Variants in DCDC1 observed in about 807,000 individuals in gnomAD.
DCDC1 encodes the protein doublecortin domain-containing protein 1.
DCDC1 carries 200 observed loss-of-function variants against 178.3 expected under a neutral mutation model. The ratio of observed to expected loss-of-function variants is 1.12; its 90% CI spans 1.00 to 1.26. DCDC1 has a LOEUF of 1.26. Ranked by LOEUF, DCDC1 falls within the 50% of genes most tolerant of loss-of-function variation. DCDC1 has a pLI of 0.00. For missense variants in DCDC1, 1,983 were observed against 1,749.2 expected, an observed-to-expected ratio of 1.13 and a Z score of -2.38; for synonymous variants, 690 against 604.8, an observed-to-expected ratio of 1.14 and a Z score of -2.07.
At chr11:31,193,196 T>C (rs897671431) in intron 9 of DCDC1, among the ~76,000 whole-genome samples, 1 of 152,076 alleles carries the variant, frequency 6.6e-6, no homozygotes, top group Non-Finnish European at 1.5e-5. Context: ...TTTTCCTCCA[T>C]ATTAACAGAA....
At chr11:31,165,195 A>C (rs1301368262) in intron 9 of DCDC1, among the ~76,000 whole-genome samples, 2 of 152,216 alleles carry the variant, frequency 1.3e-5, no homozygotes, top group African/African-American at 4.8e-5. Context: ...CATTGATGAC[A>C]CAGGATATTA....
At chr11:31,271,616 T>C (rs1020731048) in intron 7 of DCDC1, among the ~76,000 whole-genome samples, 1 of 152,238 alleles carries the variant, frequency 6.6e-6, no homozygotes, top group Non-Finnish European at 1.5e-5. Context: ...TACTACTCTA[T>C]TGACAAATTC....
At chr11:31,169,763 G>T (rs1434014325) in intron 9 of DCDC1, among the ~76,000 whole-genome samples, 3 of 152,218 alleles carry the variant, frequency 2.0e-5, no homozygotes, top group Non-Finnish European at 4.4e-5. Context: ...AAGGCAGAAA[G>T]TAGTACTTGT....
intron 14 of DCDC1, among the ~76,000 whole-genome samples, chr11:31,103,406 C>T (rs976821256): frequency 2.6e-5 from 4 of 152,102 alleles, no homozygotes; most frequent in Non-Finnish European, 4.4e-5. Flanking sequence ...TTCTGCAAAG[C>T]AGAAACTATA....
intron 11 of DCDC1, among the ~76,000 whole-genome samples, chr11:31,117,670 G>A (rs984783267): frequency 1.3e-5 from 2 of 149,890 alleles, no homozygotes; most frequent in Non-Finnish European, 3.0e-5. Context: ...CCATTTTGCT[G>A]TGACTATTGA....
intron 21 of DCDC1, among the ~76,000 whole-genome samples, chr11:30,936,554 G>A (rs894900851): frequency 6.6e-6 from 1 of 152,138 alleles, no homozygotes; most frequent in Non-Finnish European, 1.5e-5. Flanking sequence ...TTCTAACAAA[G>A]GGCAGCCTGA....
chr11:30,880,319 C>T (rs1157212809), intron 37 of DCDC1, among the ~76,000 whole-genome samples: 2 of 152,152 alleles, frequency 1.3e-5, no homozygotes, highest in African/African-American at 2.4e-5. Context: ...CAGTGCTAGG[C>T]ATCCTAATAA....
rs185654170 is a variant in DCDC1, at chr11:31,010,110, C to T, written c.2591+54359G>A. On this transcript the variant is annotated intron_variant, in intron 20 of 38. Transcript: ENST00000684477. Reference sequence around the variant, plus strand: ...TATCATGACGGCACTCTGCTTCACTCAGTCCACTGATTCAAATGCTAATCT... The same window carrying T: ...TATCATGACGGCACTCTGCTTCACTTAGTCCACTGATTCAAATGCTAATCT... 4.3e-3 allele frequency among the ~76,000 whole-genome samples: 655 copies of T among 152,220 alleles called. 10 individuals are homozygous for T. Among genetic ancestry groups the T allele is most frequent in the African/African-American group, 0.015 (604 of 41,460 alleles).
intron 20 of DCDC1, among the ~76,000 whole-genome samples, chr11:31,036,328 G>C (rs949788048): frequency 6.6e-6 from 1 of 152,078 alleles, no homozygotes; most frequent in Non-Finnish European, 1.5e-5. Flanking sequence ...ATTTATGTTC[G>C]CTGCTTAATC....
At chr11:31,112,304 C>T (rs1007054361) in intron 11 of DCDC1, among the ~76,000 whole-genome samples, 1 of 152,110 alleles carries the variant, frequency 6.6e-6, no homozygotes, top group Non-Finnish European at 1.5e-5. Flanking sequence ...TTTACTTATT[C>T]CTCCTTTGCC....
chr11:30,957,314 A>G (rs1006066660), intron 20 of DCDC1, among the ~76,000 whole-genome samples: 2 of 152,158 alleles, frequency 1.3e-5, no homozygotes. Context: ...CCTTTGCAGC[A>G]AAGACCTTAA....
intron 15 of DCDC1, among the ~76,000 whole-genome samples, chr11:31,099,232 T>A (rs974897420): frequency 6.6e-6 from 1 of 152,196 alleles, no homozygotes; most frequent in Admixed American, 6.5e-5. Flanking sequence ...TAACTGAATA[T>A]CTAGATATTG....
intron 7 of DCDC1, among the ~76,000 whole-genome samples, chr11:31,285,081 G>A (rs745851572): frequency 1.6e-4 from 24 of 149,872 alleles, no homozygotes; most frequent in Admixed American, 3.3e-4. Flanking sequence ...GCTTTTTTTA[G>A]AATTTCATTT....
chr11:31,304,119 A>T (rs2137566384), intron 6 of DCDC1, among the ~76,000 whole-genome samples: 1 of 152,330 alleles, frequency 6.6e-6, no homozygotes, highest in Admixed American at 6.5e-5. Flanking sequence ...GGAGGAAATT[A>T]GTTAGTACAT....
intron 9 of DCDC1, among the ~76,000 whole-genome samples, chr11:31,144,280 G>A (rs942503393): frequency 2.1e-4 from 32 of 151,968 alleles, no homozygotes; most frequent in African/African-American, 6.8e-4. Flanking sequence ...GACTACAGGC[G>A]CGTGCCACCA....
chr11:30,985,252 G>T (rs973098701), intron 20 of DCDC1, among the ~76,000 whole-genome samples: 4 of 152,124 alleles, frequency 2.6e-5, no homozygotes, highest in African/African-American at 9.7e-5. Context: ...GAAAGCTTCA[G>T]CATGATTTGA....
chr11:30,985,522 A>T (rs1950596473), intron 20 of DCDC1, among the ~76,000 whole-genome samples: 1 of 152,226 alleles, frequency 6.6e-6, no homozygotes. Flanking sequence ...TCTTAAATGT[A>T]TAGTACAATG....
At chr11:31,228,662 G>A (rs554454270) in intron 9 of DCDC1, among the ~76,000 whole-genome samples, 6 of 152,074 alleles carry the variant, frequency 3.9e-5, no homozygotes, top group Middle Eastern at 3.4e-3. Flanking sequence ...TCAGCTAGAC[G>A]AGTTAAGTAA....
At chr11:31,186,860 T>C (rs1049233240) in intron 9 of DCDC1, among the ~76,000 whole-genome samples, 1 of 152,190 alleles carries the variant, frequency 6.6e-6, no homozygotes, top group Non-Finnish European at 1.5e-5. Flanking sequence ...ATTATATCTG[T>C]TGCAAATCTG....
Sources: gnomAD v4.1 joint callset for allele counts (sites outside exome capture counted in the v4.1 genomes callset) on GRCh38, gnomAD v4.1.1 for gene constraint, MANE v1.5 for transcripts, NCBI Gene and HGNC (gene_info 2026-07-23, HGNC 2026-07-21) for gene names.